The following DMXL2 variants were observed in gnomAD, a reference collection of about 807,000 sequenced individuals.
The protein encoded by DMXL2 is Dmx like 2.
In DMXL2, 103 loss-of-function variants were observed where a neutral mutation model predicts 331.1. The observed-to-expected ratio is 0.31, with a 90% CI of 0.27 to 0.37. The LOEUF (loss-of-function observed/expected upper bound fraction) is 0.37, where lower values mean the gene tolerates loss of function less well. DMXL2 is among the 10% of genes least tolerant of loss of function. The pLI is 1.00. For missense variants in DMXL2, 3,171 were observed against 3,642.9 expected (o/e 0.87, Z 3.33); for synonymous variants, 1,281 against 1,252.1 (o/e 1.02, Z -0.49).
chr15:51,559,598 G>A (rs2049823496), intron 6 of DMXL2, among the ~76,000 whole-genome samples: 1 of 152,114 alleles, frequency 6.6e-6, no homozygotes. Context: ...GTGCATGCCT[G>A]TAGTCCCAGC....
intron 6 of DMXL2, among the ~76,000 whole-genome samples, chr15:51,553,895 A>C (rs139121224): frequency 6.6e-6 from 1 of 152,202 alleles, no homozygotes; most frequent in East Asian, 1.9e-4. Context: ...GACTATTAGT[A>C]ATTAAGTTTC....
At chr15:51,609,160 C>T (rs2414111) in intron 1 of DMXL2, among the ~76,000 whole-genome samples, 72,738 of 151,876 alleles carry the variant, frequency 0.48, 17,787 homozygotes, top group Non-Finnish European at 0.52. Flanking sequence ...AATATGGAGT[C>T]TTAGGACTAG....
chr15:51,448,641 CA>C lies in DMXL2; in HGVS notation c.*342del, dbSNP rs1181080411. The C allele has an allele frequency of 1.3e-5, 4 of 296,658 alleles. No homozygotes were observed. The highest frequency in any genetic ancestry group is 8.7e-5 in the African/African-American group (4 of 46,168). 18.4% of individuals were successfully genotyped at this position (296,658 alleles called of 1,614,324 possible). On this transcript the variant is annotated 3_prime_UTR_variant, in exon 44 of 44. Transcript: ENST00000560891. Reference sequence around the variant, plus strand: ...TAAGAACAGGAAGAAAAACCCAAATCAGCAACATTTTCTTCCTTAATTTGGT... The same window carrying C: ...TAAGAACAGGAAGAAAAACCCAAATCGCAACATTTTCTTCCTTAATTTGGT...
chr15:51,479,265 C>G (rs1012220715), intron 25 of DMXL2, among the ~76,000 whole-genome samples: 1 of 152,000 alleles, frequency 6.6e-6, no homozygotes, highest in Admixed American at 6.6e-5. Context: ...TCAAACAAAA[C>G]AAATAAAAAA....
intron 29 of DMXL2, among the ~76,000 whole-genome samples, chr15:51,467,927 C>T (rs558491913): frequency 2.0e-5 from 3 of 152,196 alleles, no homozygotes; most frequent in East Asian, 1.9e-4. Context: ...GGGGTTTCAC[C>T]GTGTTAGCCA....
intron 1 of DMXL2, among the ~76,000 whole-genome samples, chr15:51,621,083 TTCTC>T (rs1217492553): frequency 7.9e-6 from 1 of 125,986 alleles, no homozygotes; most frequent in Non-Finnish European, 1.8e-5. Flanking sequence ...GGGAAATTTC[TTCTC>T]TCTATCCCCA....
chr15:51,508,223 C>T (rs1203391090), intron 15 of DMXL2, among the ~76,000 whole-genome samples: 1 of 152,124 alleles, frequency 6.6e-6, no homozygotes, highest in East Asian at 1.9e-4. Context: ...AAAGACCTAA[C>T]ATAGATGACA....
chr15:51,573,216 G>C (rs577829707), intron 2 of DMXL2, among the ~76,000 whole-genome samples: 1 of 152,352 alleles, frequency 6.6e-6, no homozygotes, highest in Non-Finnish European at 1.5e-5. Flanking sequence ...AGAGGATGTG[G>C]AGAAATAGGA....
At chr15:51,474,085 C>T (rs1278751430) in intron 28 of DMXL2, among the ~76,000 whole-genome samples, 4 of 150,590 alleles carry the variant, frequency 2.7e-5, no homozygotes. Flanking sequence ...CTGTATTTAC[C>T]TTTACCTTTC....
chr15:51,516,983 A>C (rs1237117513), intron 14 of DMXL2, 95 bp downstream of exon 14: 1 of 981,400 alleles, frequency 1.0e-6, no homozygotes, highest in Non-Finnish European at 1.6e-6. Flanking sequence ...AATAACAAAC[A>C]AGAAAATTAT....
chr15:51,622,332 AG>A (rs1157040965), intron 1 of DMXL2, 126 bp downstream of exon 1: 22 of 1,264,782 alleles, frequency 1.7e-5, no homozygotes, highest in Non-Finnish European at 2.4e-5. Flanking sequence ...AAGGCTGCAA[AG>A]GGGCCACGGG....
At chr15:51,479,248 G>C (rs1031433240) in intron 25 of DMXL2, among the ~76,000 whole-genome samples, 3 of 152,150 alleles carry the variant, frequency 2.0e-5, no homozygotes, top group Non-Finnish European at 4.4e-5. Context: ...GAGAGTAAAT[G>C]TGCCTGTCAA....
intron 28 of DMXL2, among the ~76,000 whole-genome samples, chr15:51,473,652 G>A (rs1051117295): frequency 7.2e-5 from 11 of 152,154 alleles, no homozygotes; most frequent in African/African-American, 2.7e-4. Flanking sequence ...TTCTAAGGAT[G>A]AATTAAGATG....
intron 39 of DMXL2, 61 bp downstream of exon 39, chr15:51,456,005 T>A (rs762804652): frequency 7.6e-6 from 12 of 1,585,844 alleles, no homozygotes; most frequent in African/African-American, 1.3e-5. Context: ...CTTTTATCAC[T>A]TACTCCTAAA....
At chr15:51,537,904 G>A in intron 10 of DMXL2, 145 bp from the exon 11 acceptor site, 1 of 1,023,982 alleles carries the variant, frequency 9.8e-7, no homozygotes, top group South Asian at 1.8e-5. Flanking sequence ...ACTTTTGTCT[G>A]AATTGAATGT....
rs1373265720 is a variant in DMXL2 at position 51,514,426 on chromosome 15, T to A, written c.2644+16A>T. 2.8e-6 allele frequency: 4 copies of A among 1,405,326 alleles called. No homozygotes were observed. 87.1% of individuals were successfully genotyped at this position (1,405,326 alleles called of 1,614,324 possible). On this transcript the variant is annotated intron_variant, in intron 15 of 43. Coordinates refer to ENST00000560891, the MANE Select transcript of DMXL2 (RefSeq NM_001378457.1). The stretch of plus-strand genomic sequence containing the variant: ...AGCATGAAGGTAAACAAATGCAGAC[T>A]ATTTTTTTAAAGTACCTTGTGATGG...
intron 1 of DMXL2, among the ~76,000 whole-genome samples, chr15:51,583,106 C>CTTTTTTT (rs57226377): frequency 1.3e-4 from 11 of 87,156 alleles, no homozygotes; most frequent in East Asian, 2.9e-4. Flanking sequence ...CTTCATTCTT[C>CTTTTTTT]TTTTTTTTTT....
At position 51,466,176 on chromosome 15, in the gene DMXL2, T is replaced by G. The variant is rs201415264; in HGVS notation, c.7520+8A>C. The stretch of plus-strand genomic sequence containing the variant: ...AAAAAAAATGAGAGAAAGAAAAGTC[T>G]TATTTACCTATAGGAATTTGGATCT... On this transcript the variant is annotated splice_region_variant and intron_variant, in intron 30 of 43. Transcript: ENST00000560891. 4 of 1,550,596 alleles carry G rather than the reference T, an allele frequency of 2.6e-6. No homozygotes were observed. The Middle Eastern group carries it at 5.1e-4, about 198-fold the overall frequency.
In DMXL2 at chr15:51,499,269, C is replaced by A. The variant is rs544807226; in HGVS notation, c.3955G>T (p.Asp1319Tyr). 6.2e-7 allele frequency: 1 copy of A among 1,613,916 alleles called. No individual in the cohort carries two copies. Among genetic ancestry groups the A allele is most frequent in the Non-Finnish European group, 8.5e-7 (1 of 1,180,016 alleles). ...ACAGTTGGTGAACAAAAAACATCATCAGAAATAGCTGTTCCTTCAACAACA... is the reference window on the plus strand; with the variant it reads ...ACAGTTGGTGAACAAAAAACATCATAAGAAATAGCTGTTCCTTCAACAACA... ...KSVVEGTAIS[D>Y]DVFCSPTVIQ... Residue 1319 changes from aspartate (D) to tyrosine (Y), a missense_variant, in exon 18 of 44, where the codon GAT becomes TAT. Asp to Tyr is a radical substitution (Grantham distance 160). This residue lies in a region of DMXL2 where 1,674 missense variants were observed against 1,780.2 expected (regional missense o/e 0.94). Coordinates refer to ENST00000560891, the MANE Select transcript of DMXL2 (RefSeq NM_001378457.1).
Sources: allele counts gnomAD v4.1 joint callset (sites outside exome capture counted in the v4.1 genomes callset), GRCh38; gene constraint gnomAD v4.1.1; regional missense constraint gnomAD v4.1.1; transcripts MANE v1.5; gene names NCBI Gene and HGNC (gene_info 2026-07-23, HGNC 2026-07-21).